CPM: variants seen among roughly 807,000 people sequenced by gnomAD.
The protein encoded by CPM is carboxypeptidase M, also known as renal carboxypeptidase.
CPM carries 35 observed loss-of-function variants against 46.4 expected under a neutral mutation model. The ratio of observed to expected loss-of-function variants is 0.75; its 90% CI spans 0.58 to 1.00. The LOEUF (loss-of-function observed/expected upper bound fraction) is 1.00. Among genes scored for constraint, CPM ranks in the 50% least tolerant of loss-of-function variants. CPM has a pLI of 0.00. For missense variants in CPM, 422 were observed against 530.4 expected (o/e 0.80, Z 2.01); for synonymous variants, 195 against 195.3 (o/e 1.00, Z 0.01).
At chr12:68,888,962 G>A (rs987899950) in intron 2 of CPM, among the ~76,000 whole-genome samples, 2 of 152,226 alleles carry the variant, frequency 1.3e-5, no homozygotes, top group Non-Finnish European at 2.9e-5. Context: ...AGAAGGAGAA[G>A]CTTGGAAAAT....
At chr12:68,903,830 G>A (rs1417283610) in intron 2 of CPM, among the ~76,000 whole-genome samples, 2 of 151,738 alleles carry the variant, frequency 1.3e-5, no homozygotes, top group African/African-American at 2.4e-5. Context: ...CCGTCCCGCC[G>A]TCCGTCCCTC....
upstream of CPM, among the ~76,000 whole-genome samples, chr12:68,935,129 G>T (rs1888650964): frequency 6.6e-6 from 1 of 151,278 alleles, no homozygotes; most frequent in Admixed American, 6.6e-5. Context: ...AGGCTGGTCT[G>T]GAACTCCCGA....
At chr12:68,899,609 G>A (rs1040364344) in intron 2 of CPM, among the ~76,000 whole-genome samples, 5 of 152,144 alleles carry the variant, frequency 3.3e-5, no homozygotes, top group African/African-American at 1.2e-4. Flanking sequence ...ACAAGGAAAT[G>A]GTTCATTAGG....
At chr12:68,935,568 T>C, upstream of CPM, among the ~76,000 whole-genome samples, 1 of 151,452 alleles carries the variant, frequency 6.6e-6, no homozygotes, top group Non-Finnish European at 1.5e-5. Context: ...TGGGATTACA[T>C]GAGTGAGCCA....
chr12:68,919,149 A>T (rs1965340), intron 2 of CPM, among the ~76,000 whole-genome samples: 1 of 152,094 alleles, frequency 6.6e-6, no homozygotes, highest in Non-Finnish European at 1.5e-5. Flanking sequence ...TCAGATCTCC[A>T]CTTTAACCTA....
At chr12:68,879,143 A>G (rs1886082664) in intron 3 of CPM, among the ~76,000 whole-genome samples, 2 of 152,192 alleles carry the variant, frequency 1.3e-5, no homozygotes, top group South Asian at 4.1e-4. Flanking sequence ...AGCCATGATC[A>G]CACCAATGCA....
At chr12:68,903,727 G>A (rs1026280213) in intron 2 of CPM, among the ~76,000 whole-genome samples, 1 of 152,200 alleles carries the variant, frequency 6.6e-6, no homozygotes, top group Non-Finnish European at 1.5e-5. Context: ...AAGAAAGAGT[G>A]GGCCAGGTGC....
At chr12:68,908,300 T>C (rs1383718276) in intron 2 of CPM, among the ~76,000 whole-genome samples, 1 of 152,174 alleles carries the variant, frequency 6.6e-6, no homozygotes, top group Non-Finnish European at 1.5e-5. Context: ...CCTAAGGTGC[T>C]GTAGGTACCA....
chr12:68,848,246 G>A (rs1339085618), downstream of CPM: 1 of 152,240 alleles, frequency 6.6e-6, no homozygotes, highest in Non-Finnish European at 1.5e-5. Flanking sequence ...GCAATGGCGT[G>A]ATCTTGGCTC....
Position 68,916,888 on chromosome 12 carries a change from C to CAAA in CPM, c.160+15787_160+15789dup, listed in dbSNP as rs779418018. Among the ~76,000 whole-genome samples the CAAA allele has an allele frequency of 2.8e-3, 234 of 82,152 alleles. 5 individuals carry two copies. The highest frequency in any genetic ancestry group is 8.5e-3 in the Middle Eastern group (1 of 118). The allele number at this position is 82,152 out of a possible 152,430, so 53.9% of individuals were successfully genotyped here. A position where few individuals can be genotyped will look rare whatever the true frequency, so the allele number is the denominator to read the frequency against. On this transcript the variant is annotated intron_variant, in intron 2 of 8. Transcript: ENST00000551568. Reference sequence around the variant, plus strand: ...GGGTGACAGAGCGAGACTCTTGTCTCAAAAAAAAAAAAAAAAAAAGAGAGA... The same window carrying CAAA: ...GGGTGACAGAGCGAGACTCTTGTCTCAAAAAAAAAAAAAAAAAAAAAAGAGAGA...
chr12:68,950,346 G>A (rs1326624000), intron 1 of CPM, among the ~76,000 whole-genome samples: 2 of 152,134 alleles, frequency 1.3e-5, no homozygotes, highest in African/African-American at 2.4e-5. Flanking sequence ...TTATATATTA[G>A]TGTTATAAAT....
chr12:68,932,924 C>A, intron 1 of CPM, 84 bp from the exon 2 acceptor site: 1 of 1,299,198 alleles, frequency 7.7e-7, no homozygotes, highest in South Asian at 1.3e-5. Flanking sequence ...GTACTCCGGT[C>A]TCAGGGTCTC....
chr12:68,898,754 C>G (rs1286422798), intron 2 of CPM, among the ~76,000 whole-genome samples: 1 of 152,166 alleles, frequency 6.6e-6, no homozygotes, highest in Admixed American at 6.5e-5. Context: ...GAGCTAAAAC[C>G]CAGCTCTGTC....
In CPM at chr12:68,916,373, A is replaced by G. The variant is rs182221187; in HGVS notation, c.160+16305T>C. Among the ~76,000 whole-genome samples, 973 of 152,342 alleles carry G rather than the reference A, an allele frequency of 6.4e-3. 11 individuals are homozygous for G. Among genetic ancestry groups the G allele is most frequent in the South Asian group, 0.036 (174 of 4,826 alleles). The stretch of plus-strand genomic sequence containing the variant: ...TATAATCACCATTGAAACATTTCTA[A>G]TAAGTTTTAGACATAAAAATAAATT... On this transcript the variant is annotated intron_variant, in intron 2 of 8. Transcript: ENST00000551568.
At chr12:68,896,175 C>T (rs1240500891) in intron 2 of CPM, among the ~76,000 whole-genome samples, 5 of 152,204 alleles carry the variant, frequency 3.3e-5, no homozygotes, top group Non-Finnish European at 5.9e-5. Context: ...CATGGATAGT[C>T]CTTAGCCCAC....
At chr12:68,871,697 A>C in intron 4 of CPM, 87 bp downstream of exon 4, 1 of 1,416,540 alleles carries the variant, frequency 7.1e-7, no homozygotes, top group South Asian at 1.3e-5. Flanking sequence ...ACCATGACAC[A>C]TCTCCTCTTG....
intron 3 of CPM, among the ~76,000 whole-genome samples, chr12:68,882,046 T>TA (rs1886217468): frequency 6.7e-6 from 1 of 149,500 alleles, no homozygotes; most frequent in African/African-American, 2.5e-5. Flanking sequence ...TTTTTTTTTT[T>TA]AACATTTATT....
At chr12:68,877,063 TTGTC>T (rs1204049362) in intron 3 of CPM, among the ~76,000 whole-genome samples, 1 of 152,198 alleles carries the variant, frequency 6.6e-6, no homozygotes, top group African/African-American at 2.4e-5. Flanking sequence ...TTTAAGTTAT[TTGTC>T]TGACCTGCCT....
chr12:68,875,732 G>T (rs1298215763), intron 3 of CPM, among the ~76,000 whole-genome samples: 1 of 151,406 alleles, frequency 6.6e-6, no homozygotes, highest in African/African-American at 2.4e-5. Context: ...CTTGAACCTG[G>T]GAGTTGGAGG....
Sources: allele counts gnomAD v4.1 joint callset (sites outside exome capture counted in the v4.1 genomes callset), GRCh38; gene constraint gnomAD v4.1.1; transcripts MANE v1.5; gene names NCBI Gene and HGNC (gene_info 2026-07-23, HGNC 2026-07-21).